Variants in RSPH9 observed in about 807,000 individuals in gnomAD.
RSPH9 encodes the protein radial spoke head component 9, also known as radial spoke head protein 9 homolog.
RSPH9 carries 27 observed loss-of-function variants against 27.0 expected under a neutral mutation model. That is an observed-to-expected ratio of 1.00 (90% CI 0.74 to 1.38). The LOEUF is 1.38. Ranked by LOEUF, RSPH9 falls within the 40% of genes most tolerant of loss-of-function variation. The pLI, the probability that RSPH9 is intolerant of heterozygous loss-of-function variation, is 0.00. For synonymous variants in RSPH9, 145 were observed against 147.7 expected (o/e 0.98, Z 0.13); for missense variants, 347 against 357.4 (o/e 0.97, Z 0.24).
intron 4 of RSPH9, among the ~76,000 whole-genome samples, chr6:43,667,028 G>T (rs1403110541): frequency 6.6e-6 from 1 of 152,182 alleles, no homozygotes; most frequent in African/African-American, 2.4e-5. Flanking sequence ...ACAGGCGTGA[G>T]CCAGCACGCC....
chr6:43,655,407 A>G (rs963974430), intron 2 of RSPH9, among the ~76,000 whole-genome samples, 155 bp from the exon 3 acceptor site: 2 of 152,246 alleles, frequency 1.3e-5, no homozygotes, highest in African/African-American at 4.8e-5. Context: ...AAATCTTGAT[A>G]GGAAGGAAGG....
chr6:43,667,356 C>T (rs1773245772), intron 4 of RSPH9, among the ~76,000 whole-genome samples: 1 of 152,236 alleles, frequency 6.6e-6, no homozygotes, highest in Non-Finnish European at 1.5e-5. Context: ...TGCACACAGG[C>T]TGGGGCTCCT....
chr6:43,647,055 C>T (rs879618861), intron 1 of RSPH9, among the ~76,000 whole-genome samples: 3 of 151,830 alleles, frequency 2.0e-5, no homozygotes, highest in South Asian at 2.1e-4. Context: ...GGATTGCGCC[C>T]GAGAGTTCAA....
chr6:43,646,128 A>AT (rs950575618), intron 1 of RSPH9, among the ~76,000 whole-genome samples: 9 of 140,002 alleles, frequency 6.4e-5, no homozygotes, highest in Admixed American at 1.4e-4. Flanking sequence ...CTATTTATTT[A>AT]TTATTATTAT....
intron 2 of RSPH9, among the ~76,000 whole-genome samples, chr6:43,653,659 C>T (rs1384050920): frequency 6.6e-6 from 1 of 152,092 alleles, no homozygotes; most frequent in Non-Finnish European, 1.5e-5. Context: ...TCAGCTGCAT[C>T]CTCACCCACT....
chr6:43,645,848 T>G (rs541848571), intron 1 of RSPH9, among the ~76,000 whole-genome samples: 1 of 152,254 alleles, frequency 6.6e-6, no homozygotes, highest in African/African-American at 2.4e-5. Context: ...TAGAGGTATC[T>G]GCTCTGGAGC....
chr6:43,663,993 C>T (rs1772883590), intron 4 of RSPH9, among the ~76,000 whole-genome samples: 1 of 147,720 alleles, frequency 6.8e-6, no homozygotes, highest in African/African-American at 2.5e-5. Flanking sequence ...CACGCCACTG[C>T]ACTCCAGCCT....
chr6:43,660,002 TTGGATTA>T (rs1195818488), intron 4 of RSPH9, among the ~76,000 whole-genome samples: 1 of 151,116 alleles, frequency 6.6e-6, no homozygotes, highest in East Asian at 1.9e-4. Flanking sequence ...TCCCAAAGTG[TTGGATTA>T]CAGGCGTGAG....
At chr6:43,647,368 C>A (rs570895861) in intron 1 of RSPH9, among the ~76,000 whole-genome samples, 1 of 152,060 alleles carries the variant, frequency 6.6e-6, no homozygotes, top group Non-Finnish European at 1.5e-5. Context: ...TCAGAGTGGG[C>A]AAAATGGCCT....
rs548250033 is a variant in RSPH9 at position 43,652,549 on chromosome 6, C to A, written c.393+2009C>A. Among the ~76,000 whole-genome samples the A allele has an allele frequency of 4.4e-4, 67 of 151,520 alleles. 1 individual carries two copies. In the East Asian group the frequency reaches 0.013, roughly 28 times the overall value. On this transcript the variant is annotated intron_variant, in intron 2 of 4. Coordinates refer to ENST00000372163, the MANE Select transcript of RSPH9 (RefSeq NM_152732.5). ...CAAGTGATTCTCCTGCCTCAGTCTC[C>A]CAAGTAGCTGGGATTACAGGCACCT...
intron 4 of RSPH9, among the ~76,000 whole-genome samples, chr6:43,668,643 G>T (rs1467979432): frequency 6.6e-6 from 1 of 152,180 alleles, no homozygotes; most frequent in Non-Finnish European, 1.5e-5. Flanking sequence ...GGCAGGGCAG[G>T]ACCAAGCCCT....
At chr6:43,662,139 A>T (rs1330672696) in intron 4 of RSPH9, among the ~76,000 whole-genome samples, 1 of 152,050 alleles carries the variant, frequency 6.6e-6, no homozygotes, top group Non-Finnish European at 1.5e-5. Context: ...TGAGTCTCCC[A>T]AAGTGCTAGG....
At chr6:43,670,715 AG>A in intron 4 of RSPH9, 73 bp from the exon 5 acceptor site, 1 of 1,421,550 alleles carries the variant, frequency 7.0e-7, no homozygotes, top group South Asian at 1.2e-5. Context: ...CCAAGGAGCC[AG>A]GGGCCACAGC....
chr6:43,668,753 C>T (rs1174807582), intron 4 of RSPH9, among the ~76,000 whole-genome samples: 2 of 152,246 alleles, frequency 1.3e-5, no homozygotes, highest in Non-Finnish European at 2.9e-5. Context: ...CTAGCCCAGG[C>T]AGGCTGCAAG....
At chr6:43,652,677 C>T (rs376087983) in intron 2 of RSPH9, among the ~76,000 whole-genome samples, 26 of 150,710 alleles carry the variant, frequency 1.7e-4, no homozygotes, top group Non-Finnish European at 3.4e-4. Context: ...CCGCCCGCCT[C>T]GGCCTCCCAA....
intron 2 of RSPH9, among the ~76,000 whole-genome samples, chr6:43,654,839 A>T: frequency 6.6e-6 from 1 of 151,850 alleles, no homozygotes; most frequent in Non-Finnish European, 1.5e-5. Flanking sequence ...AAATAAATAA[A>T]AATAATAATA....
intron 4 of RSPH9, among the ~76,000 whole-genome samples, chr6:43,664,772 T>G (rs1047310615): frequency 5.9e-5 from 9 of 152,140 alleles, no homozygotes; most frequent in Admixed American, 3.9e-4. Context: ...CTATAGGGGT[T>G]GGGGCATTTC....
chr6:43,657,310 G>A (rs187511534), intron 4 of RSPH9, among the ~76,000 whole-genome samples: 1 of 152,280 alleles, frequency 6.6e-6, no homozygotes, highest in East Asian at 1.9e-4. Context: ...GATGATGATG[G>A]CAATGATAAT....
chr6:43,647,077 A>G (rs3957257), intron 1 of RSPH9, among the ~76,000 whole-genome samples: 28,627 of 148,826 alleles, frequency 0.19, 7,035 homozygotes, highest in African/African-American at 0.57. Context: ...GCTGCAGTTA[A>G]CTATGGATCA....
Sources: allele counts gnomAD v4.1 joint callset (sites outside exome capture counted in the v4.1 genomes callset), GRCh38; gene constraint gnomAD v4.1.1; transcripts MANE v1.5; gene names NCBI Gene and HGNC (gene_info 2026-07-23, HGNC 2026-07-21).